CLMP: variants seen among roughly 807,000 people sequenced by gnomAD.
CLMP encodes CXADR like cell adhesion molecule, also known as CXADR-like membrane protein.
Under a neutral mutation model 45.2 loss-of-function variants are expected in CLMP, and 27 were observed. The observed-to-expected ratio is 0.60, with a 90% CI of 0.44 to 0.82. The LOEUF (loss-of-function observed/expected upper bound fraction) is 0.82. Among genes scored for constraint, CLMP ranks in the 40% least tolerant of loss-of-function variants. The pLI is 0.00. For synonymous variants in CLMP, 167 were observed against 171.4 expected (o/e 0.97, Z 0.20); for missense variants, 403 against 448.4 (o/e 0.90, Z 0.91).
intron 5 of CLMP, among the ~76,000 whole-genome samples, chr11:123,075,516 A>G (rs1865728217): frequency 6.6e-6 from 1 of 151,760 alleles, no homozygotes; most frequent in African/African-American, 2.4e-5. Flanking sequence ...CCTCCCGAGT[A>G]GCTGGGACTA....
In CLMP at chr11:123,083,100, G is replaced by T; in HGVS notation, c.664C>A (p.Arg222=). The change falls in exon 5 of 7, where the codon CGA becomes AGA. Residue 222 remains arginine (R), a synonymous_variant. Coordinates refer to ENST00000448775, the MANE Select transcript of CLMP (RefSeq NM_024769.5). ...NEAGKESCVV[R]VTVQYVQSIG... is the part of the protein sequence containing the mutation. ...GGATGCTTACACTGTACAGTTACTC[G>T]CACCACACAGCTTTCCTTCCCAGCT... 1.9e-6 allele frequency: 3 copies of T among 1,614,090 alleles called. No individual in the cohort carries two copies. Among genetic ancestry groups the T allele is most frequent in the Non-Finnish European group, 2.5e-6 (3 of 1,180,006 alleles).
At chr11:123,132,787 AT>A (rs550655741) in intron 1 of CLMP, among the ~76,000 whole-genome samples, 11 of 144,214 alleles carry the variant, frequency 7.6e-5, no homozygotes, top group Admixed American at 7.0e-4. Context: ...TTATTTATTT[AT>A]TTTTTTTTGA....
chr11:123,187,423 A>C (rs1861849960), intron 1 of CLMP, among the ~76,000 whole-genome samples: 1 of 152,242 alleles, frequency 6.6e-6, no homozygotes, highest in African/African-American at 2.4e-5. Flanking sequence ...ACCCAAGCCT[A>C]TATTTAAACA....
chr11:123,168,915 G>A (rs940852037), intron 1 of CLMP, among the ~76,000 whole-genome samples: 4 of 152,126 alleles, frequency 2.6e-5, no homozygotes, highest in African/African-American at 7.2e-5. Context: ...TGCACAGAAC[G>A]TGCGGCATCC....
chr11:123,086,676 A>G (rs1179378696), intron 2 of CLMP, among the ~76,000 whole-genome samples: 1 of 152,228 alleles, frequency 6.6e-6, no homozygotes, highest in East Asian at 1.9e-4. Context: ...GGGAAGAGCT[A>G]GGATCACAGC....
rs770118050 is a variant in CLMP, at chr11:123,084,498, GCATCCT to G, written c.388+8_388+13del. The G allele has an allele frequency of 1.2e-6, 2 of 1,606,246 alleles. No homozygotes were observed. The highest frequency in any genetic ancestry group is 1.7e-6 in the Non-Finnish European group (2 of 1,172,936). On this transcript the variant is annotated splice_region_variant and intron_variant, in intron 3 of 6. Coordinates refer to ENST00000448775, the MANE Select transcript of CLMP (RefSeq NM_024769.5). ...AAATAAGCTGTAGACATTCACTTTG[GCATCCT>G]ATCTTACCTAAGACTTTTAAGATGA... is the stretch of plus-strand genomic sequence containing the variant.
At chr11:123,143,715 C>G (rs1423134271) in intron 1 of CLMP, among the ~76,000 whole-genome samples, 1 of 152,206 alleles carries the variant, frequency 6.6e-6, no homozygotes, top group African/African-American at 2.4e-5. Context: ...GCTTCAACAA[C>G]TTGCATTTCA....
intron 5 of CLMP, among the ~76,000 whole-genome samples, chr11:123,080,799 T>G (rs75961927): frequency 6.6e-6 from 1 of 152,120 alleles, no homozygotes; most frequent in Non-Finnish European, 1.5e-5. Context: ...AAGTATAACT[T>G]TGAAAAAAGT....
At chr11:123,090,915 G>A (rs7123187) in intron 2 of CLMP, among the ~76,000 whole-genome samples, 58,656 of 151,934 alleles carry the variant, frequency 0.39, 13,470 homozygotes, top group African/African-American at 0.65. Flanking sequence ...GTGGTTATGT[G>A]CCTATGTGCA....
intron 1 of CLMP, among the ~76,000 whole-genome samples, chr11:123,130,102 T>C (rs1029723948): frequency 6.6e-6 from 1 of 152,036 alleles, no homozygotes; most frequent in African/African-American, 2.4e-5. Context: ...CCTCTCTTCA[T>C]AGGAATGCAG....
intron 5 of CLMP, 136 bp downstream of exon 5, chr11:123,082,949 G>A (rs1259604609): frequency 9.9e-7 from 1 of 1,008,880 alleles, no homozygotes; most frequent in African/African-American, 1.6e-5. Context: ...AATTTATTTT[G>A]GTGATAGCCA....
chr11:123,133,103 A>G (rs186477775), intron 1 of CLMP, among the ~76,000 whole-genome samples: 4 of 152,276 alleles, frequency 2.6e-5, no homozygotes, highest in African/African-American at 9.6e-5. Context: ...GAATTCTAGA[A>G]TTGTTGGGAT....
At chr11:123,158,155 G>C (rs1861440465) in intron 1 of CLMP, among the ~76,000 whole-genome samples, 1 of 152,136 alleles carries the variant, frequency 6.6e-6, no homozygotes, top group Non-Finnish European at 1.5e-5. Flanking sequence ...GCACGGTTAG[G>C]CTGGGGCTCT....
rs1311159772 is a variant in CLMP, at chr11:123,119,358, C to T, written c.29-21406G>A. Among the ~76,000 whole-genome samples, 3 of 152,066 alleles carry T rather than the reference C, an allele frequency of 2.0e-5. No homozygotes were observed. The East Asian group carries it at 5.8e-4, about 29-fold the overall frequency. On this transcript the variant is annotated intron_variant, in intron 1 of 6. Coordinates refer to ENST00000448775, the MANE Select transcript of CLMP (RefSeq NM_024769.5). ...TCGGCCTCCCAAAGTGCTGGGATTA[C>T]AGGCATTATTCACCATGCCCGGCTG...
At chr11:123,160,125 C>T (rs1028667251) in intron 1 of CLMP, among the ~76,000 whole-genome samples, 3 of 151,402 alleles carry the variant, frequency 2.0e-5, no homozygotes, top group African/African-American at 4.9e-5. Context: ...CTAAAAAATA[C>T]GAAAATTAGC....
chr11:123,163,488 A>C (rs1035003221), intron 1 of CLMP, among the ~76,000 whole-genome samples: 2 of 152,178 alleles, frequency 1.3e-5, no homozygotes, highest in African/African-American at 4.8e-5. Context: ...GAGTTGAAAG[A>C]GACACTATGG....
intron 1 of CLMP, among the ~76,000 whole-genome samples, chr11:123,134,471 G>C (rs1225336347): frequency 1.3e-5 from 2 of 151,762 alleles, no homozygotes; most frequent in Admixed American, 6.6e-5. Context: ...TTAGGCAAAG[G>C]GGAGCCATTG....
chr11:123,190,367 G>T (rs1861893689), intron 1 of CLMP, among the ~76,000 whole-genome samples: 1 of 152,134 alleles, frequency 6.6e-6, no homozygotes, highest in Non-Finnish European at 1.5e-5. Context: ...ACACCCATCT[G>T]TTCCTGATGA....
chr11:123,193,757 T>C (rs1466305899), intron 1 of CLMP, among the ~76,000 whole-genome samples: 3 of 152,220 alleles, frequency 2.0e-5, no homozygotes, highest in East Asian at 1.9e-4. Context: ...TCTGGTGTTG[T>C]AGGCTAGAAG....
Sources: gnomAD v4.1 joint callset for allele counts (sites outside exome capture counted in the v4.1 genomes callset) on GRCh38, gnomAD v4.1.1 for gene constraint, MANE v1.5 for transcripts, NCBI Gene and HGNC (gene_info 2026-07-23, HGNC 2026-07-21) for gene names.